RNF220: variants seen among roughly 807,000 people sequenced by gnomAD.
RNF220 encodes ring finger protein 220, also known as E3 ubiquitin-protein ligase RNF220.
Under a neutral mutation model 67.1 loss-of-function variants are expected in RNF220, and 7 were observed. That is an observed-to-expected ratio of 0.10 (90% CI 0.06 to 0.20). The LOEUF is 0.20. Ranked by LOEUF, RNF220 falls within the 10% of genes least tolerant of loss-of-function variation. The pLI, the probability that RNF220 is intolerant of heterozygous loss-of-function variation, is 1.00. For synonymous variants in RNF220, 270 were observed against 283.2 expected (o/e 0.95, Z 0.47); for missense variants, 565 against 740.3 (o/e 0.76, Z 2.75).
At chr1:44,459,224 G>A (rs966354880) in intron 2 of RNF220, among the ~76,000 whole-genome samples, 2 of 151,710 alleles carry the variant, frequency 1.3e-5, no homozygotes, top group African/African-American at 4.8e-5. Context: ...AAAATATGTT[G>A]TGGGGGTTCA....
At chr1:44,525,182 A>G (rs1396705635) in intron 2 of RNF220, among the ~76,000 whole-genome samples, 1 of 152,170 alleles carries the variant, frequency 6.6e-6, no homozygotes, top group Non-Finnish European at 1.5e-5. Flanking sequence ...ATCTCTGGGG[A>G]AAAAGCTGTA....
chr1:44,619,686 C>T (rs965804870), intron 3 of RNF220, among the ~76,000 whole-genome samples: 5 of 152,060 alleles, frequency 3.3e-5, no homozygotes, highest in Admixed American at 2.6e-4. Flanking sequence ...GGGAGGAAAT[C>T]GTTGGGGGCG....
intron 2 of RNF220, among the ~76,000 whole-genome samples, chr1:44,474,675 C>G (rs1655132587): frequency 6.7e-6 from 1 of 148,864 alleles, no homozygotes; most frequent in Non-Finnish European, 1.5e-5. Flanking sequence ...CACCATCGCA[C>G]TCCAGCCTGG....
intron 2 of RNF220, among the ~76,000 whole-genome samples, chr1:44,577,868 A>T (rs1664929894): frequency 6.8e-6 from 1 of 147,182 alleles, no homozygotes; most frequent in African/African-American, 2.5e-5. Context: ...AAAGGGTCTC[A>T]CCCTATCCCC....
chr1:44,456,567 AGTCCCTGTCCT>A (rs1255811314), intron 2 of RNF220, among the ~76,000 whole-genome samples: 1 of 152,232 alleles, frequency 6.6e-6, no homozygotes, highest in Non-Finnish European at 1.5e-5. Context: ...AAACAGACCA[AGTCCCTGTCCT>A]CAAGGAGCTT....
At chr1:44,447,316 G>A (rs535324908) in intron 2 of RNF220, among the ~76,000 whole-genome samples, 2 of 152,254 alleles carry the variant, frequency 1.3e-5, no homozygotes, top group African/African-American at 4.8e-5. Flanking sequence ...TAAAAAATAG[G>A]CACCTACTTT....
intron 2 of RNF220, among the ~76,000 whole-genome samples, chr1:44,592,278 G>A (rs1354763245): frequency 6.6e-6 from 1 of 152,226 alleles, no homozygotes; most frequent in Non-Finnish European, 1.5e-5. Context: ...GCCTGGGACT[G>A]GCACTTTTCA....
chr1:44,550,996 A>G (rs764345474), intron 2 of RNF220, among the ~76,000 whole-genome samples: 2 of 152,052 alleles, frequency 1.3e-5, no homozygotes, highest in Non-Finnish European at 2.9e-5. Flanking sequence ...TAGCACCTCC[A>G]TCGCAGCAGA....
At chr1:44,612,920 AG>A (rs1643377179) in intron 2 of RNF220, among the ~76,000 whole-genome samples, 1 of 152,236 alleles carries the variant, frequency 6.6e-6, no homozygotes. Context: ...AAGAAGAAGA[AG>A]GAAGGAAAAT....
At chr1:44,637,471 G>A (rs577710412) in intron 8 of RNF220, among the ~76,000 whole-genome samples, 8 of 152,356 alleles carry the variant, frequency 5.3e-5, no homozygotes, top group South Asian at 4.1e-4. Flanking sequence ...ATGGGTGTCC[G>A]ATGGCAGCCA....
intron 2 of RNF220, among the ~76,000 whole-genome samples, chr1:44,437,097 A>G (rs538204627): frequency 8.5e-5 from 13 of 152,362 alleles, no homozygotes; most frequent in Admixed American, 7.8e-4. Context: ...CTCAATCTTC[A>G]GAGAAGTAAG....
At chr1:44,447,133 G>A (rs1457811371) in intron 2 of RNF220, among the ~76,000 whole-genome samples, 2 of 152,178 alleles carry the variant, frequency 1.3e-5, no homozygotes, top group African/African-American at 2.4e-5. Context: ...TTAGTGTTAA[G>A]AAATTACTAT....
intron 2 of RNF220, among the ~76,000 whole-genome samples, chr1:44,582,624 G>T (rs1482915460): frequency 2.0e-5 from 3 of 151,104 alleles, no homozygotes; most frequent in Non-Finnish European, 4.4e-5. Flanking sequence ...GGGCGTGGTG[G>T]CAGGCGCCTC....
intron 2 of RNF220, among the ~76,000 whole-genome samples, chr1:44,597,325 C>A (rs767963847): frequency 2.6e-5 from 4 of 152,134 alleles, no homozygotes; most frequent in Non-Finnish European, 4.4e-5. Flanking sequence ...AAATTCAAAC[C>A]CAGGTTAGCA....
chr1:44,412,756 CA>C lies in RNF220; in HGVS notation c.625+35del. On this transcript the variant is annotated intron_variant, in intron 2 of 14. Coordinates refer to ENST00000361799, the MANE Select transcript of RNF220 (RefSeq NM_018150.4). The surrounding 1 kb of genome is among the most constrained non-coding windows in gnomAD (Gnocchi z 5.3). ...TTTGGTTCCAGCCCTCCCTTACCCC[CA>C]GTAAGCCCTGCCTCACCGTGATGTT... The C allele has an allele frequency of 6.3e-7, 1 of 1,589,628 alleles. No individual in the cohort carries two copies. The highest frequency in any genetic ancestry group is 8.6e-7 in the Non-Finnish European group (1 of 1,166,250).
rs12131249 is a variant in RNF220 at position 44,412,792 on chromosome 1, G to C, written c.625+70G>C. The C allele has an allele frequency of 2.6e-6, 4 of 1,538,502 alleles. No individual in the cohort carries two copies. The highest frequency in any genetic ancestry group is 2.8e-5 in the African/African-American group (2 of 72,574). ...GCCTCACCGTGATGTTCAACAGGTC[G>C]GTGGCGTTTTGCATGCTCCTAGTAA... is the stretch of plus-strand genomic sequence containing the variant. On this transcript the variant is annotated intron_variant, in intron 2 of 14. Coordinates refer to ENST00000361799, the MANE Select transcript of RNF220 (RefSeq NM_018150.4). This position sits in a 1 kb window ranked among gnomAD's most constrained non-coding sequence, Gnocchi z 5.3.
intron 4 of RNF220, among the ~76,000 whole-genome samples, chr1:44,625,766 G>T (rs1274778452): frequency 6.6e-6 from 1 of 151,964 alleles, no homozygotes; most frequent in Non-Finnish European, 1.5e-5. Context: ...GATTGACATG[G>T]GGGGATTAGT....
chr1:44,636,757 G>T (rs1644343038), intron 8 of RNF220, among the ~76,000 whole-genome samples: 2 of 152,238 alleles, frequency 1.3e-5, no homozygotes, highest in South Asian at 4.1e-4. Flanking sequence ...AGAGGGGCCT[G>T]GGCCCAGCTG....
At chr1:44,534,057 C>A (rs923386771) in intron 2 of RNF220, among the ~76,000 whole-genome samples, 1 of 152,184 alleles carries the variant, frequency 6.6e-6, no homozygotes, top group Admixed American at 6.5e-5. Flanking sequence ...CTTACTATAC[C>A]TTGGCCTCCC....
Sources: allele counts gnomAD v4.1 joint callset (sites outside exome capture counted in the v4.1 genomes callset), GRCh38; gene constraint gnomAD v4.1.1; non-coding constraint Gnocchi (gnomAD v3.1); transcripts MANE v1.5; gene names NCBI Gene and HGNC (gene_info 2026-07-23, HGNC 2026-07-21).